BEAN1: variants seen among roughly 807,000 people sequenced by gnomAD.
The protein encoded by BEAN1 is protein BEAN1.
BEAN1 carries 17 observed loss-of-function variants against 17.7 expected under a neutral mutation model. The ratio of observed to expected loss-of-function variants is 0.96; its 90% CI spans 0.66 to 1.44. BEAN1 has a LOEUF of 1.44. BEAN1 is among the 40% of genes most tolerant of loss of function. The probability of loss-of-function intolerance (pLI) is 0.00; values close to 1 mark genes in which losing one functional copy is unlikely to be tolerated. For synonymous variants in BEAN1, 142 were observed against 151.8 expected (o/e 0.94, Z 0.47); for missense variants, 359 against 374.1 (o/e 0.96, Z 0.33).
intron 2 of BEAN1, among the ~76,000 whole-genome samples, chr16:66,444,897 G>A (rs749926572): frequency 3.3e-5 from 5 of 152,216 alleles, no homozygotes; most frequent in Non-Finnish European, 7.3e-5. Flanking sequence ...AATGAAGCCT[G>A]AGGCTGGGTT....
At chr16:66,469,552 G>C (rs1479294648) in intron 2 of BEAN1, 50 bp from the exon 3 acceptor site, 1 of 1,484,768 alleles carries the variant, frequency 6.7e-7, no homozygotes, top group Non-Finnish European at 9.0e-7. Context: ...AGAAGGAAGG[G>C]GTGTGGCAGG....
At chr16:66,431,611 TTTTC>T (rs973730667) in intron 1 of BEAN1, among the ~76,000 whole-genome samples, 6 of 151,844 alleles carry the variant, frequency 4.0e-5, no homozygotes, top group Non-Finnish European at 8.8e-5. Context: ...TAGTTTTTTT[TTTTC>T]TTTTACAAAA....
At chr16:66,438,078 C>T in intron 2 of BEAN1, 1 of 326,568 alleles carries the variant, frequency 3.1e-6, no homozygotes, top group Non-Finnish European at 5.8e-6. Context: ...CAAGACTTTC[C>T]TGAGCTTTTA....
intron 2 of BEAN1, among the ~76,000 whole-genome samples, chr16:66,444,649 G>C (rs1210720543): frequency 6.6e-6 from 1 of 152,138 alleles, no homozygotes; most frequent in Non-Finnish European, 1.5e-5. Flanking sequence ...CTGTGTTTTG[G>C]AGCACACAGA....
intron 2 of BEAN1, among the ~76,000 whole-genome samples, chr16:66,457,966 C>T (rs947187420): frequency 4.6e-5 from 7 of 152,176 alleles, no homozygotes; most frequent in East Asian, 3.9e-4. Context: ...AATGACTCCA[C>T]GCCTCACCCT....
chr16:66,445,394 T>C (rs1479607740), intron 2 of BEAN1, among the ~76,000 whole-genome samples: 1 of 141,866 alleles, frequency 7.0e-6, no homozygotes, highest in Non-Finnish European at 1.5e-5. Context: ...GAGAATGGCG[T>C]GAACCTGGGA....
intron 3 of BEAN1, among the ~76,000 whole-genome samples, chr16:66,470,757 C>T (rs1963453630): frequency 6.6e-6 from 1 of 152,186 alleles, no homozygotes; most frequent in Non-Finnish European, 1.5e-5. Flanking sequence ...AGAACGCAGC[C>T]ACCTGACTGT....
chr16:66,445,564 C>T (rs1048349218), intron 2 of BEAN1, among the ~76,000 whole-genome samples: 3 of 142,016 alleles, frequency 2.1e-5, no homozygotes, highest in Non-Finnish European at 4.5e-5. Context: ...GAAGGTAACA[C>T]TGGAACAGAA....
intron 2 of BEAN1, among the ~76,000 whole-genome samples, chr16:66,445,130 C>T (rs1962395433): frequency 6.6e-6 from 1 of 152,082 alleles, no homozygotes; most frequent in African/African-American, 2.4e-5. Flanking sequence ...CACAAACAGA[C>T]AAATGAATAT....
intron 2 of BEAN1, among the ~76,000 whole-genome samples, chr16:66,453,696 T>C (rs2078659587): frequency 6.6e-6 from 1 of 151,958 alleles, no homozygotes; most frequent in African/African-American, 2.4e-5. Context: ...TGATTTCTTC[T>C]TTGACCTATA....
At chr16:66,484,443 G>A (rs1049351988), downstream of BEAN1, 2 of 376,762 alleles carry the variant, frequency 5.3e-6, no homozygotes, top group African/African-American at 4.2e-5. This position sits in a 1 kb window ranked among gnomAD's most constrained non-coding sequence, Gnocchi z 4.2. Flanking sequence ...GCTGTGGTGT[G>A]TCACATATGG....
At chr16:66,480,503 A>G (rs1466885961) in intron 4 of BEAN1, 83 bp from the exon 5 acceptor site, 2 of 1,127,948 alleles carry the variant, frequency 1.8e-6, no homozygotes, top group Admixed American at 2.9e-5. Flanking sequence ...ACAGCTTGTC[A>G]CTGCAGATAG....
chr16:66,474,255 C>T (rs1173994786), intron 3 of BEAN1, among the ~76,000 whole-genome samples: 2 of 152,056 alleles, frequency 1.3e-5, no homozygotes, highest in African/African-American at 4.8e-5. Context: ...AATACATGCT[C>T]AATAAATGTG....
At chr16:66,453,809 T>C (rs1430504801) in intron 2 of BEAN1, among the ~76,000 whole-genome samples, 1 of 152,030 alleles carries the variant, frequency 6.6e-6, no homozygotes, top group East Asian at 1.9e-4. Flanking sequence ...TCTCAGCTCA[T>C]TGCAACCTCT....
At chr16:66,480,275 C>A (rs539228625) in intron 4 of BEAN1, among the ~76,000 whole-genome samples, 1 of 152,128 alleles carries the variant, frequency 6.6e-6, no homozygotes, top group Non-Finnish European at 1.5e-5. Flanking sequence ...CAGTGCGCTG[C>A]GGGGAGATGC....
chr16:66,459,821 A>G (rs567865895), intron 2 of BEAN1, among the ~76,000 whole-genome samples: 3 of 152,226 alleles, frequency 2.0e-5, no homozygotes, highest in Non-Finnish European at 4.4e-5. Flanking sequence ...TGGGCAGCCC[A>G]TTCCAGACCA....
At chr16:66,448,546 G>C (rs753270379) in intron 2 of BEAN1, among the ~76,000 whole-genome samples, 9 of 152,240 alleles carry the variant, frequency 5.9e-5, no homozygotes, top group African/African-American at 9.6e-5. Flanking sequence ...ACACGGCTGG[G>C]TGCGGTGGCT....
At chr16:66,450,872 C>T (rs1962647684) in intron 2 of BEAN1, 1 of 152,204 alleles carries the variant, frequency 6.6e-6, no homozygotes. Context: ...AAAAGACAGT[C>T]TAGGTAAATA....
At position 66,438,582 on chromosome 16, in the gene BEAN1, G is replaced by A. The variant is rs571350080; in HGVS notation, c.25+881G>A. 6.6e-5 allele frequency among the ~76,000 whole-genome samples: 10 copies of A among 152,268 alleles called. No homozygotes were observed. In the East Asian group the frequency reaches 1.9e-3, roughly 29 times the overall value. On this transcript the variant is annotated intron_variant, in intron 2 of 4. Coordinates refer to ENST00000536005, the MANE Select transcript of BEAN1 (RefSeq NM_001178020.3). ...ACCATGAAGTTCCTCATTCGCGGAA[G>A]CCTGTAGATGATCTTGCCCGTCGGC...
Sources: allele counts gnomAD v4.1 joint callset (sites outside exome capture counted in the v4.1 genomes callset), GRCh38; gene constraint gnomAD v4.1.1; non-coding constraint Gnocchi (gnomAD v3.1); transcripts MANE v1.5; gene names NCBI Gene and HGNC (gene_info 2026-07-23, HGNC 2026-07-21).